Variants in ZFHX3 observed in about 807,000 individuals in gnomAD.
The protein encoded by ZFHX3 is zinc finger homeobox 3.
Under a neutral mutation model 279.1 loss-of-function variants are expected in ZFHX3, and 42 were observed. The ratio of observed to expected loss-of-function variants is 0.15; its 90% CI spans 0.12 to 0.19. The LOEUF is 0.19. Among genes scored for constraint, ZFHX3 ranks in the 10% least tolerant of loss-of-function variants. ZFHX3 has a pLI of 1.00. For missense variants in ZFHX3, 4,981 were observed against 4,754.0 expected, an observed-to-expected ratio of 1.05 and a Z score of -1.40; for synonymous variants, 2,293 against 1,957.8, an observed-to-expected ratio of 1.17 and a Z score of -4.52.
At chr16:72,943,665 G>GT (rs531531465) in intron 3 of ZFHX3, among the ~76,000 whole-genome samples, 86 of 152,318 alleles carry the variant, frequency 5.6e-4, no homozygotes, top group African/African-American at 1.9e-3. Flanking sequence ...CAACAACACG[G>GT]TGTTGGTCAC....
At chr16:73,493,732 T>C (rs963638991) in intron 2 of ZFHX3, among the ~76,000 whole-genome samples, 1 of 152,102 alleles carries the variant, frequency 6.6e-6, no homozygotes, top group African/African-American at 2.4e-5. Flanking sequence ...GAGAAGACAG[T>C]GAACTCAAAA....
chr16:73,355,302 T>C (rs2016320273), intron 3 of ZFHX3, among the ~76,000 whole-genome samples: 1 of 152,200 alleles, frequency 6.6e-6, no homozygotes, highest in East Asian at 1.9e-4. Context: ...CCCAGTGGAC[T>C]CCTGACATGA....
chr16:73,170,285 C>A (rs966372379), intron 5 of ZFHX3, among the ~76,000 whole-genome samples: 1 of 122,750 alleles, frequency 8.1e-6, no homozygotes, highest in Non-Finnish European at 1.6e-5. Flanking sequence ...CGTTGGAGTG[C>A]AGTGCCACGA....
At chr16:72,968,549 C>T (rs1357815918) in intron 1 of ZFHX3, among the ~76,000 whole-genome samples, 1 of 150,812 alleles carries the variant, frequency 6.6e-6, no homozygotes, top group Admixed American at 6.6e-5. Flanking sequence ...CAACCTCTGT[C>T]GCCCAGGTTC....
chr16:73,326,319 T>C (rs781069925), intron 3 of ZFHX3, among the ~76,000 whole-genome samples: 13 of 152,194 alleles, frequency 8.5e-5, no homozygotes, highest in Admixed American at 2.0e-4. Context: ...AAGCCTAAAG[T>C]CCAATAACGG....
At chr16:73,249,866 A>G (rs1045709779) in intron 5 of ZFHX3, among the ~76,000 whole-genome samples, 2 of 151,508 alleles carry the variant, frequency 1.3e-5, no homozygotes, top group South Asian at 2.1e-4. Context: ...CAAAAGACCA[A>G]TCAGTGCAAT....
intron 4 of ZFHX3, among the ~76,000 whole-genome samples, chr16:73,292,406 T>C (rs2014795193): frequency 1.3e-5 from 2 of 152,238 alleles, no homozygotes; most frequent in African/African-American, 2.4e-5. Flanking sequence ...GGCAGCATTC[T>C]GTGGCTTTAA....
At chr16:72,990,769 C>T (rs911319602) in intron 1 of ZFHX3, among the ~76,000 whole-genome samples, 4 of 152,106 alleles carry the variant, frequency 2.6e-5, no homozygotes, top group Non-Finnish European at 5.9e-5. Context: ...TCACTCGAGG[C>T]CAGGACTTCG....
chr16:72,949,760 GA>G (rs71391471), intron 3 of ZFHX3, among the ~76,000 whole-genome samples: 42 of 146,732 alleles, frequency 2.9e-4, no homozygotes, highest in Middle Eastern at 3.5e-3. Context: ...GAGCGGGGAA[GA>G]AAAAAAAAAC....
At chr16:73,535,544 C>G (rs2019884552) in intron 2 of ZFHX3, among the ~76,000 whole-genome samples, 1 of 152,132 alleles carries the variant, frequency 6.6e-6, no homozygotes. Context: ...GACAGACACT[C>G]TCCATCTCCC....
Position 72,889,968 on chromosome 16 carries a change from A to T in ZFHX3, c.3217-6T>A, listed in dbSNP as rs774522804. On this transcript the variant is annotated splice_region_variant and splice_polypyrimidine_tract_variant and intron_variant, in intron 3 of 9. Coordinates refer to ENST00000268489, the MANE Select transcript of ZFHX3 (RefSeq NM_006885.4). ...CTCTCATGCTGCTGCAGGTGCTGCA[A>T]GTAACAAAAGAGAAAGACATGCCTT... 1 of 1,610,654 alleles carries T rather than the reference A, an allele frequency of 6.2e-7. No homozygotes were observed. Among genetic ancestry groups the T allele is most frequent in the South Asian group, 1.1e-5 (1 of 90,336 alleles).
chr16:73,276,724 A>AT (rs1294027721), intron 4 of ZFHX3, among the ~76,000 whole-genome samples: 1 of 152,016 alleles, frequency 6.6e-6, no homozygotes, highest in Non-Finnish European at 1.5e-5. Context: ...TTATTTTCTT[A>AT]TTTTTTCAAA....
At chr16:72,809,998 C>A (rs2036393302) in intron 7 of ZFHX3, 1 of 151,176 alleles carries the variant, frequency 6.6e-6, no homozygotes. Context: ...CCTGCCTCAG[C>A]CTCCTGCATA....
At chr16:72,996,959 G>GT (rs1406756419) in intron 1 of ZFHX3, among the ~76,000 whole-genome samples, 1 of 152,172 alleles carries the variant, frequency 6.6e-6, no homozygotes, top group African/African-American at 2.4e-5. Context: ...AAAGCCAAGA[G>GT]TAAGGCTGGA....
At chr16:73,088,524 C>T (rs1235641504) in intron 8 of ZFHX3, among the ~76,000 whole-genome samples, 2 of 152,128 alleles carry the variant, frequency 1.3e-5, no homozygotes, top group Non-Finnish European at 2.9e-5. Flanking sequence ...AAGAAACCAC[C>T]TAAATGAATT....
At chr16:73,351,480 G>C (rs554879857) in intron 3 of ZFHX3, among the ~76,000 whole-genome samples, 1 of 152,254 alleles carries the variant, frequency 6.6e-6, no homozygotes, top group Admixed American at 6.5e-5. Flanking sequence ...CTGTGCAGAG[G>C]GGCCTTCTCC....
intron 2 of ZFHX3, among the ~76,000 whole-genome samples, chr16:73,539,479 T>C (rs72801436): frequency 0.035 from 5,042 of 142,232 alleles, 171 homozygotes; most frequent in Middle Eastern, 0.062. Context: ...CCTCTGGCCT[T>C]ATACCGCTGT....
intron 1 of ZFHX3, among the ~76,000 whole-genome samples, chr16:73,033,914 G>A (rs980737079): frequency 3.9e-5 from 6 of 152,156 alleles, no homozygotes; most frequent in African/African-American, 7.2e-5. Flanking sequence ...CTTCCCGGCC[G>A]CTCTGAAAGC....
chr16:73,221,325 G>A (rs914244839), intron 5 of ZFHX3, among the ~76,000 whole-genome samples: 1 of 152,026 alleles, frequency 6.6e-6, no homozygotes, highest in African/African-American at 2.4e-5. Context: ...TAATTTCGAT[G>A]TATCTATTTT....
Sources: gnomAD v4.1 joint callset for allele counts (sites outside exome capture counted in the v4.1 genomes callset) on GRCh38, gnomAD v4.1.1 for gene constraint, MANE v1.5 for transcripts, NCBI Gene and HGNC (gene_info 2026-07-23, HGNC 2026-07-21) for gene names.